Variants in USP48 observed in about 807,000 individuals in gnomAD.
The protein encoded by USP48 is ubiquitin carboxyl-terminal hydrolase 48.
Under a neutral mutation model 150.7 loss-of-function variants are expected in USP48, and 43 were observed. The observed-to-expected ratio is 0.29, with a 90% CI of 0.22 to 0.37. The LOEUF (loss-of-function observed/expected upper bound fraction) is 0.37. Among genes scored for constraint, USP48 ranks in the 10% least tolerant of loss-of-function variants. USP48 has a pLI of 1.00. For missense variants in USP48, 813 were observed against 1,249.6 expected, an observed-to-expected ratio of 0.65 and a Z score of 5.27; for synonymous variants, 396 against 425.9, an observed-to-expected ratio of 0.93 and a Z score of 0.86.
At chr1:21,700,440 G>A (rs772234840) in intron 22 of USP48, among the ~76,000 whole-genome samples, 31 of 152,040 alleles carry the variant, frequency 2.0e-4, no homozygotes, top group Non-Finnish European at 3.2e-4. Context: ...AAATCAAGAC[G>A]GCTTTTCAGA....
intron 9 of USP48, among the ~76,000 whole-genome samples, chr1:21,730,263 A>C (rs2097753503): frequency 6.6e-6 from 1 of 151,972 alleles, no homozygotes; most frequent in Non-Finnish European, 1.5e-5. Context: ...CAAAACATGG[A>C]GAAGCCCTGT....
chr1:21,738,986 T>C (rs970129472), intron 8 of USP48, among the ~76,000 whole-genome samples: 1 of 152,162 alleles, frequency 6.6e-6, no homozygotes, highest in African/African-American at 2.4e-5. Context: ...TTTAAATCTT[T>C]CTAAATGCAT....
At chr1:21,743,702 C>T (rs1261722059) in intron 8 of USP48, among the ~76,000 whole-genome samples, 1 of 152,064 alleles carries the variant, frequency 6.6e-6, no homozygotes, top group African/African-American at 2.4e-5. Flanking sequence ...CTGGGAGGGG[C>T]ACAAAAGGAG....
intron 9 of USP48, among the ~76,000 whole-genome samples, chr1:21,730,973 A>G (rs2097755423): frequency 6.6e-6 from 1 of 151,722 alleles, no homozygotes; most frequent in Non-Finnish European, 1.5e-5. Context: ...GTTGGCCAGG[A>G]TGGTCTCGAT....
At chr1:21,708,875 A>G (rs1403721188) in intron 15 of USP48, among the ~76,000 whole-genome samples, 17 of 121,162 alleles carry the variant, frequency 1.4e-4, no homozygotes, top group African/African-American at 5.4e-4. Flanking sequence ...ACAGAGCAAG[A>G]CTCCGTCTCA....
intron 19 of USP48, chr1:21,704,723 A>AT (rs879929993): frequency 8.9e-3 from 1,478 of 165,306 alleles, no homozygotes; most frequent in South Asian, 0.022. Flanking sequence ...ATGTGCGTGC[A>AT]TTTTTTTTTT....
At chr1:21,729,415 T>G (rs773330109) in intron 10 of USP48, among the ~76,000 whole-genome samples, 22 of 152,186 alleles carry the variant, frequency 1.4e-4, no homozygotes, top group Non-Finnish European at 2.9e-4. Context: ...AGAATATCTA[T>G]AGATAATTAA....
intron 1 of USP48, among the ~76,000 whole-genome samples, chr1:21,776,151 A>C (rs2152652753): frequency 6.6e-6 from 1 of 152,234 alleles, no homozygotes; most frequent in South Asian, 2.1e-4. Context: ...TACTTCCAGG[A>C]ACTTACTTGA....
intron 9 of USP48, among the ~76,000 whole-genome samples, chr1:21,731,466 G>A (rs58130326): frequency 2.6e-5 from 4 of 151,678 alleles, no homozygotes; most frequent in Non-Finnish European, 5.9e-5. Context: ...GATTTACCAC[G>A]TTGGCCAGGC....
At position 21,722,529 on chromosome 1, in the gene USP48, ACT is replaced by A. The variant is rs200338529; in HGVS notation, c.1649-767_1649-766del. On this transcript the variant is annotated intron_variant, in intron 12 of 26. Coordinates refer to ENST00000308271, the MANE Select transcript of USP48 (RefSeq NM_032236.8). The stretch of plus-strand genomic sequence containing the variant: ...ACTCCAGCTGGGGCAACAGAATAAG[ACT>A]CTGTCTCAGAGAAAAAAAAAAAAAA... Among the ~76,000 whole-genome samples, 646 of 147,858 alleles carry A rather than the reference ACT, an allele frequency of 4.4e-3. 5 individuals carry two copies. Among genetic ancestry groups the A allele is most frequent in the African/African-American group, 0.015 (600 of 39,876 alleles).
At chr1:21,687,727 T>G (rs1002285470) in intron 24 of USP48, among the ~76,000 whole-genome samples, 2 of 152,242 alleles carry the variant, frequency 1.3e-5, no homozygotes, top group African/African-American at 4.8e-5. Context: ...TCTGAGCTTA[T>G]GATAAGGTTA....
intron 15 of USP48, 67 bp from the exon 16 acceptor site, chr1:21,706,935 A>G (rs778244005): frequency 3.3e-6 from 5 of 1,516,630 alleles, no homozygotes; most frequent in Non-Finnish European, 4.4e-6. Context: ...TCTATTTCCT[A>G]TTTCTTAAAC....
chr1:21,762,589 C>T (rs767499935), intron 1 of USP48, among the ~76,000 whole-genome samples: 9 of 152,090 alleles, frequency 5.9e-5, no homozygotes, highest in Non-Finnish European at 1.3e-4. Context: ...TCACACGGGC[C>T]GGGCGCGGTG....
chr1:21,752,454 A>C, intron 5 of USP48, 73 bp downstream of exon 5: 1 of 1,553,250 alleles, frequency 6.4e-7, no homozygotes, highest in Non-Finnish European at 8.7e-7. Flanking sequence ...CTGGAACTGC[A>C]CTGAAAAATA....
At chr1:21,771,348 T>C (rs1345326202) in intron 1 of USP48, among the ~76,000 whole-genome samples, 1 of 151,050 alleles carries the variant, frequency 6.6e-6, no homozygotes, top group Non-Finnish European at 1.5e-5. Flanking sequence ...CAATCTAGCC[T>C]GGGCGACAGA....
intron 25 of USP48, among the ~76,000 whole-genome samples, chr1:21,682,139 A>G (rs1468046194): frequency 6.6e-6 from 1 of 152,210 alleles, no homozygotes; most frequent in Non-Finnish European, 1.5e-5. Context: ...CAGACGGTGC[A>G]TGACAGATCA....
Position 21,748,175 on chromosome 1 carries a change from T to C in USP48, c.871A>G (p.Thr291Ala), listed in dbSNP as rs760745985. The stretch of plus-strand genomic sequence containing the variant: ...AAACGCATTAGCTGCAAGTTCAGAG[T>C]GCAAGGAAGGCTAAGAAGTCGAATC... The part of the protein sequence containing the change: ...RKIRLLSLPC[T>A]LNLQLMRFVF... The change falls in exon 7 of 27, where the codon ACT becomes GCT. Residue 291 changes from threonine (T) to alanine (A), a missense_variant. By Grantham distance (58) the Thr-to-Ala change is moderately conservative (BLOSUM62 0). Transcript: ENST00000308271. 4 of 1,613,872 alleles carry C rather than the reference T, an allele frequency of 2.5e-6. No homozygotes were observed. Among genetic ancestry groups the C allele is most frequent in the Admixed American group, 1.7e-5 (1 of 59,964 alleles).
chr1:21,753,096 C>A lies in USP48; in HGVS notation c.436G>T (p.Glu146Ter). The A allele has an allele frequency of 1.2e-6, 2 of 1,609,012 alleles. No individual in the cohort carries two copies. The highest frequency in any genetic ancestry group is 2.2e-5 in the South Asian group (2 of 89,476). ...EKDYEPQTIC[E>*]HLQYLFALLQ... ...AAGGCAAACAAGTACTGGAGATGCTCACAAATTGTTTGAGGCTCATAATCT... is the reference window on the plus strand; with the variant it reads ...AAGGCAAACAAGTACTGGAGATGCTAACAAATTGTTTGAGGCTCATAATCT... Residue 146 changes from glutamate (E) to a stop codon, truncating the protein, a stop_gained, in exon 4 of 27, where the codon GAG (glutamate) becomes TAG (stop). Coordinates refer to ENST00000308271, the MANE Select transcript of USP48 (RefSeq NM_032236.8). LOFTEE classifies it high-confidence loss of function.
intron 22 of USP48, among the ~76,000 whole-genome samples, chr1:21,699,795 C>T (rs912060381): frequency 6.8e-6 from 1 of 147,528 alleles, no homozygotes; most frequent in Non-Finnish European, 1.5e-5. Context: ...GAATTACAGG[C>T]GTGAGCCACT....
Sources: allele counts gnomAD v4.1 joint callset (sites outside exome capture counted in the v4.1 genomes callset), GRCh38; gene constraint gnomAD v4.1.1; transcripts MANE v1.5; gene names NCBI Gene and HGNC (gene_info 2026-07-23, HGNC 2026-07-21).